Variants in TRAF2 observed in about 807,000 individuals in gnomAD.
TRAF2 encodes TNF receptor associated factor 2.
A neutral mutation model predicts 55.6 loss-of-function variants in TRAF2; 6 were observed. That is an observed-to-expected ratio of 0.11 (90% CI 0.06 to 0.21). The LOEUF is 0.21. Ranked by LOEUF, TRAF2 falls within the 10% of genes least tolerant of loss-of-function variation. TRAF2 has a pLI of 1.00. For synonymous variants in TRAF2, 329 were observed against 276.3 expected, an observed-to-expected ratio of 1.19 and a Z score of -1.89; for missense variants, 561 against 684.5, an observed-to-expected ratio of 0.82 and a Z score of 2.01.
intron 1 of TRAF2, chr9:136,890,577 CAT>C (rs961482226): frequency 6.6e-5 from 10 of 152,242 alleles, no homozygotes; most frequent in African/African-American, 1.7e-4. Context: ...CGGATTCCAA[CAT>C]GTGCGCAAAT....
intron 9 of TRAF2, among the ~76,000 whole-genome samples, chr9:136,922,006 T>A (rs912929098): frequency 3.3e-5 from 5 of 152,240 alleles, no homozygotes; most frequent in African/African-American, 1.2e-4. Context: ...GTGAACCTGC[T>A]GATAGAATCT....
chr9:136,892,791 A>C (rs1258462386), intron 1 of TRAF2, among the ~76,000 whole-genome samples: 5 of 151,798 alleles, frequency 3.3e-5, no homozygotes, highest in Non-Finnish European at 7.4e-5. Flanking sequence ...GAGGCAGGAG[A>C]ATCGCTTGAA....
intron 7 of TRAF2, among the ~76,000 whole-genome samples, chr9:136,918,227 T>TATGTA (rs1850286424): frequency 1.5e-5 from 1 of 68,080 alleles, no homozygotes; most frequent in African/African-American, 8.0e-5. Context: ...AGTGTTTTGT[T>TATGTA]TATATATATA....
Position 136,909,900 on chromosome 9 carries a change from C to T in TRAF2, c.529-20C>T, listed in dbSNP as rs771110014. 1.9e-6 allele frequency: 3 copies of T among 1,613,990 alleles called. No homozygotes were observed. Among genetic ancestry groups the T allele is most frequent in the South Asian group, 2.2e-5 (2 of 91,044 alleles). On this transcript the variant is annotated intron_variant, in intron 5 of 10. Transcript: ENST00000247668. ...TGGCATTGGCGTCCACCCTCACACT[C>T]CTGATCCCTTCTTTTGAAGGCGCAC...
intron 4 of TRAF2, among the ~76,000 whole-genome samples, chr9:136,901,263 T>C (rs1246668166): frequency 6.6e-6 from 1 of 152,188 alleles, no homozygotes; most frequent in East Asian, 1.9e-4. Flanking sequence ...CAGTCTTCCT[T>C]CTTGTAATGA....
At chr9:136,898,087 G>A (rs1040472310) in intron 1 of TRAF2, among the ~76,000 whole-genome samples, 3 of 151,120 alleles carry the variant, frequency 2.0e-5, no homozygotes, top group Non-Finnish European at 2.9e-5. Flanking sequence ...AGCTCCAGGT[G>A]TGCTACATTC....
chr9:136,894,551 A>G (rs182687904), intron 1 of TRAF2, among the ~76,000 whole-genome samples: 6 of 152,178 alleles, frequency 3.9e-5, no homozygotes, highest in Non-Finnish European at 5.9e-5. Context: ...AAGCAGGGCA[A>G]AGGTGTTAAG....
intron 6 of TRAF2, among the ~76,000 whole-genome samples, chr9:136,911,975 G>T (rs535205295): frequency 2.0e-5 from 3 of 147,204 alleles, no homozygotes; most frequent in Admixed American, 1.4e-4. Flanking sequence ...TCAGCCTCCC[G>T]AGTAGCTGGG....
Position 136,925,576 on chromosome 9 carries a change from T to C in TRAF2, c.1288-107T>C, listed in dbSNP as rs1247441532. On this transcript the variant is annotated intron_variant, in intron 10 of 10. Coordinates refer to ENST00000247668, the MANE Select transcript of TRAF2 (RefSeq NM_021138.4). ...GCTGGGCCTCAGCCTCTGGCCTGGG[T>C]CCTGGGATGGCCTCCTGCTGGTGGC... is the stretch of plus-strand genomic sequence containing the variant. 3 of 1,178,708 alleles carry C rather than the reference T, an allele frequency of 2.5e-6. 1 individual carries two copies. The highest frequency in any genetic ancestry group is 2.8e-5 in the South Asian group (2 of 70,282). The allele number at this position is 1,178,708 out of a possible 1,614,324, so 73.0% of individuals were successfully genotyped here. A position where few individuals can be genotyped will look rare whatever the true frequency, so the allele number is the denominator to read the frequency against.
chr9:136,886,612 G>C, intron 1 of TRAF2, 71 bp downstream of exon 1: 6 of 969,700 alleles, frequency 6.2e-6, no homozygotes, highest in South Asian at 4.6e-5. Flanking sequence ...CGGGCGCGGG[G>C]TCGGGCGCAG....
rs1293487517 is a variant in TRAF2, at chr9:136,926,351, G to C, written c.*450G>C. ...CAGGAGAAGGGCCTCCTGCTGGCCA[G>C]AGCAAGGAAGGCTGAGCAGCTTGGT... On this transcript the variant is annotated 3_prime_UTR_variant, in exon 11 of 11. Coordinates refer to ENST00000247668, the MANE Select transcript of TRAF2 (RefSeq NM_021138.4). 2 of 346,278 alleles carry C rather than the reference G, an allele frequency of 5.8e-6. No individual in the cohort carries two copies. The highest frequency in any genetic ancestry group is 7.7e-5 in the Admixed American group (2 of 26,094). The allele number at this position is 346,278 out of a possible 1,614,324, so 21.5% of individuals were successfully genotyped here.
intron 4 of TRAF2, among the ~76,000 whole-genome samples, chr9:136,900,841 G>A (rs1244543974): frequency 6.6e-6 from 1 of 152,178 alleles, no homozygotes; most frequent in African/African-American, 2.4e-5. Context: ...GAGGGTTGGA[G>A]GTGCCTGTGT....
At chr9:136,908,891 A>G (rs1850025893) in intron 5 of TRAF2, among the ~76,000 whole-genome samples, 1 of 148,294 alleles carries the variant, frequency 6.7e-6, no homozygotes, top group Non-Finnish European at 1.5e-5. Context: ...AAAAAAAAAA[A>G]GCCAGGCACG....
intron 1 of TRAF2, among the ~76,000 whole-genome samples, chr9:136,893,003 T>A (rs957086858): frequency 6.6e-6 from 1 of 152,188 alleles, no homozygotes; most frequent in African/African-American, 2.4e-5. Context: ...TCTGTGAACC[T>A]TTTAGTGACG....
At chr9:136,924,789 G>A (rs565729332) in intron 10 of TRAF2, among the ~76,000 whole-genome samples, 5 of 152,112 alleles carry the variant, frequency 3.3e-5, no homozygotes, top group Admixed American at 1.3e-4. Context: ...GCCCAGGCTG[G>A]AGTGCAGTGG....
intron 7 of TRAF2, among the ~76,000 whole-genome samples, chr9:136,917,168 C>T (rs994758741): frequency 6.6e-6 from 1 of 152,322 alleles, no homozygotes; most frequent in African/African-American, 2.4e-5. Context: ...CAGGCTCAGG[C>T]GCTTATGGGA....
intron 7 of TRAF2, 56 bp from the exon 8 acceptor site, chr9:136,920,178 C>T (rs528886589): frequency 1.4e-5 from 22 of 1,528,834 alleles, no homozygotes; most frequent in South Asian, 3.7e-5. Context: ...TGGCCGTCCC[C>T]GGGTGGGAGC....
Position 136,926,017 on chromosome 9 carries a change from G to A in TRAF2, c.*116G>A, listed in dbSNP as rs190399967. ...AAGTGGGCAGGGGCCGCGCTTGGGC[G>A]CTTGGGAGGGTGTCGGCCTGCAGCC... On this transcript the variant is annotated 3_prime_UTR_variant, in exon 11 of 11. Coordinates refer to ENST00000247668, the MANE Select transcript of TRAF2 (RefSeq NM_021138.4). 145 of 1,281,330 alleles carry A rather than the reference G, an allele frequency of 1.1e-4. No homozygotes were observed. The highest frequency in any genetic ancestry group is 4.5e-4 in the African/African-American group (31 of 68,492). The allele number at this position is 1,281,330 out of a possible 1,614,324, so 79.4% of individuals were successfully genotyped here.
Position 136,892,471 on chromosome 9 carries a change from T to A in TRAF2, c.-29+5930T>A, listed in dbSNP as rs539907183. ...AGAGCGAGACTCCGTCTCAAAAAAA[T>A]AAATAAATAAAAAGAATGTGGCTTA... On this transcript the variant is annotated intron_variant, in intron 1 of 10. Coordinates refer to ENST00000247668, the MANE Select transcript of TRAF2 (RefSeq NM_021138.4). Among the ~76,000 whole-genome samples the A allele has an allele frequency of 2.0e-5, 3 of 149,826 alleles. No homozygotes were observed. The East Asian group carries it at 5.9e-4, about 29-fold the overall frequency.
Sources: allele counts gnomAD v4.1 joint callset (sites outside exome capture counted in the v4.1 genomes callset), GRCh38; gene constraint gnomAD v4.1.1; transcripts MANE v1.5; gene names NCBI Gene and HGNC (gene_info 2026-07-23, HGNC 2026-07-21).